Variants in CSMD1 observed in about 807,000 individuals in gnomAD.
CSMD1 encodes the protein CUB and sushi domain-containing protein 1.
CSMD1 carries 213 observed loss-of-function variants against 417.5 expected under a neutral mutation model. The observed-to-expected ratio is 0.51, with a 90% CI of 0.46 to 0.57. CSMD1 has a LOEUF of 0.57. CSMD1 is among the 20% of genes least tolerant of loss of function. The probability of loss-of-function intolerance (pLI) is 0.00; values close to 1 mark genes in which losing one functional copy is unlikely to be tolerated. For synonymous variants in CSMD1, 2,862 were observed against 1,736.8 expected (o/e 1.65, Z -16.11); for missense variants, 6,923 against 4,529.7 (o/e 1.53, Z -15.17).
chr8:3,234,636 G>A (rs117585453), intron 26 of CSMD1, among the ~76,000 whole-genome samples: 1,917 of 152,306 alleles, frequency 0.013, 98 homozygotes, highest in Admixed American at 0.09. Context: ...GGAAATCCAA[G>A]CATATTACTC....
intron 7 of CSMD1, among the ~76,000 whole-genome samples, chr8:3,706,818 A>G (rs996445267): frequency 2.0e-5 from 3 of 152,202 alleles, no homozygotes; most frequent in Non-Finnish European, 4.4e-5. Flanking sequence ...TTCTATACTA[A>G]AAGCTAACAA....
chr8:4,803,292 C>T (rs1432050642), intron 1 of CSMD1, among the ~76,000 whole-genome samples: 1 of 152,132 alleles, frequency 6.6e-6, no homozygotes, highest in African/African-American at 2.4e-5. Flanking sequence ...ATCGATAAAG[C>T]AATTCCCTTT....
At chr8:3,308,273 C>T in intron 24 of CSMD1, 39 bp downstream of exon 24, 4 of 1,540,708 alleles carry the variant, frequency 2.6e-6, no homozygotes, top group Non-Finnish European at 3.6e-6. Flanking sequence ...ACCCTAAGGC[C>T]TGGCTTTTGC....
rs1585248698 is a variant in CSMD1 at position 4,331,879 on chromosome 8, A to G, written c.415+88074T>C. On this transcript the variant is annotated intron_variant, in intron 3 of 69. Transcript: ENST00000635120. Reference sequence around the variant, plus strand: ...TTGCTTAAAAAAATACATAATACATAGCTAGAGAGTTTAACTATGGAAAAG... The same window carrying G: ...TTGCTTAAAAAAATACATAATACATGGCTAGAGAGTTTAACTATGGAAAAG... Among the ~76,000 whole-genome samples, 3 of 152,160 alleles carry G rather than the reference A, an allele frequency of 2.0e-5. No homozygotes were observed. In the East Asian group the frequency reaches 5.8e-4, roughly 29 times the overall value.
intron 6 of CSMD1, among the ~76,000 whole-genome samples, chr8:3,745,069 C>T (rs1185610250): frequency 1.3e-5 from 2 of 152,156 alleles, no homozygotes; most frequent in Admixed American, 1.3e-4. Flanking sequence ...TGTTAACAAC[C>T]ATTATGGACA....
chr8:4,485,871 T>C (rs1045113528), intron 2 of CSMD1, among the ~76,000 whole-genome samples: 9 of 151,910 alleles, frequency 5.9e-5, no homozygotes, highest in African/African-American at 2.2e-4. Context: ...ATGGTGACAT[T>C]TCACTCTGAC....
At chr8:3,816,250 T>G (rs1033870949) in intron 5 of CSMD1, among the ~76,000 whole-genome samples, 1 of 152,178 alleles carries the variant, frequency 6.6e-6, no homozygotes, top group Non-Finnish European at 1.5e-5. Context: ...CTGGTTACGG[T>G]GCATTCATTT....
At chr8:3,510,381 G>T (rs1797014117) in intron 10 of CSMD1, among the ~76,000 whole-genome samples, 1 of 151,820 alleles carries the variant, frequency 6.6e-6, no homozygotes, top group Non-Finnish European at 1.5e-5. Context: ...ATGGGTACTT[G>T]AAGTCCAAAT....
intron 1 of CSMD1, among the ~76,000 whole-genome samples, chr8:4,876,698 T>C (rs1803062490): frequency 6.6e-6 from 1 of 152,084 alleles, no homozygotes; most frequent in African/African-American, 2.4e-5. Context: ...TCTCCTTCTG[T>C]GCTAATTTCT....
At chr8:4,406,057 G>A (rs17336043) in intron 3 of CSMD1, among the ~76,000 whole-genome samples, 24,870 of 152,182 alleles carry the variant, frequency 0.16, 2,054 homozygotes, top group East Asian at 0.21. Context: ...AACAATGCCA[G>A]CAACTTTATT....
intron 1 of CSMD1, among the ~76,000 whole-genome samples, chr8:4,887,091 C>CT (rs1186159766): frequency 7.2e-5 from 11 of 151,910 alleles, no homozygotes; most frequent in Non-Finnish European, 1.5e-4. Flanking sequence ...GATTTTTCTT[C>CT]TTTTATATAT....
At chr8:3,847,709 G>A (rs1463869694) in intron 5 of CSMD1, among the ~76,000 whole-genome samples, 1 of 152,052 alleles carries the variant, frequency 6.6e-6, no homozygotes, top group African/African-American at 2.4e-5. Flanking sequence ...AATACAGAAT[G>A]CTTCCTTATA....
intron 8 of CSMD1, among the ~76,000 whole-genome samples, chr8:3,596,101 T>C (rs996490247): frequency 6.6e-6 from 1 of 152,000 alleles, no homozygotes; most frequent in Non-Finnish European, 1.5e-5. Flanking sequence ...CCAAAAGGCG[T>C]TTTGCGGATC....
chr8:3,744,101 C>T (rs60221341), intron 6 of CSMD1, among the ~76,000 whole-genome samples: 7,392 of 152,270 alleles, frequency 0.049, 619 homozygotes, highest in African/African-American at 0.17. Flanking sequence ...ATGCATCCTT[C>T]CCTTTGGCAA....
chr8:3,145,612 A>C (rs1818794246), intron 40 of CSMD1, among the ~76,000 whole-genome samples: 1 of 152,216 alleles, frequency 6.6e-6, no homozygotes, highest in Non-Finnish European at 1.5e-5. Context: ...ACTACCTAAT[A>C]CATATCAGAA....
chr8:4,388,568 T>A (rs1338393961), intron 3 of CSMD1, among the ~76,000 whole-genome samples: 1 of 147,690 alleles, frequency 6.8e-6, no homozygotes, highest in African/African-American at 2.5e-5. Context: ...GGTGGGGGGG[T>A]GATGGATAAA....
intron 49 of CSMD1, among the ~76,000 whole-genome samples, chr8:3,074,053 C>T (rs891976017): frequency 6.6e-5 from 10 of 152,204 alleles, no homozygotes; most frequent in Admixed American, 3.9e-4. Context: ...TGCTTTCTCA[C>T]CTGGAGGCGC....
chr8:3,601,566 T>C (rs896299629), intron 8 of CSMD1, among the ~76,000 whole-genome samples: 18 of 152,164 alleles, frequency 1.2e-4, no homozygotes, highest in Admixed American at 3.3e-4. Flanking sequence ...AACATTGAGT[T>C]ACCTACACTA....
chr8:3,150,491 G>A (rs1819128733), intron 40 of CSMD1, among the ~76,000 whole-genome samples: 1 of 152,192 alleles, frequency 6.6e-6, no homozygotes, highest in Admixed American at 6.5e-5. Context: ...TACTGCTACT[G>A]CCATCCTGGG....
Sources: gnomAD v4.1 joint callset for allele counts (sites outside exome capture counted in the v4.1 genomes callset) on GRCh38, gnomAD v4.1.1 for gene constraint, MANE v1.5 for transcripts, NCBI Gene and HGNC (gene_info 2026-07-23, HGNC 2026-07-21) for gene names.